RBM19: variants seen among roughly 807,000 people sequenced by gnomAD.
The protein encoded by RBM19 is probable RNA-binding protein 19.
In RBM19, 94 loss-of-function variants were observed where a neutral mutation model predicts 116.8. The ratio of observed to expected loss-of-function variants is 0.80; its 90% CI spans 0.68 to 0.95. The LOEUF (loss-of-function observed/expected upper bound fraction) is 0.95, where lower values mean the gene tolerates loss of function less well. RBM19 is among the 40% of genes least tolerant of loss of function. The pLI is 0.00. For missense variants in RBM19, 1,161 were observed against 1,220.7 expected, an observed-to-expected ratio of 0.95 and a Z score of 0.73; for synonymous variants, 475 against 494.1, an observed-to-expected ratio of 0.96 and a Z score of 0.51.
intron 21 of RBM19, among the ~76,000 whole-genome samples, chr12:113,890,278 C>T (rs778658054): frequency 7.2e-5 from 11 of 152,282 alleles, no homozygotes; most frequent in Non-Finnish European, 1.0e-4. Flanking sequence ...CCGTGAGTGG[C>T]CGGGGTGTTT....
In RBM19 at chr12:113,962,198, C is replaced by G. The variant is rs777578663; in HGVS notation, c.219+34G>C. The G allele has an allele frequency of 1.1e-5, 17 of 1,606,988 alleles. No homozygotes were observed. In the South Asian group the frequency reaches 1.9e-4, roughly 18 times the overall value. On this transcript the variant is annotated intron_variant, in intron 2 of 23. Coordinates refer to ENST00000261741, the MANE Select transcript of RBM19 (RefSeq NM_016196.4). ...AAAGATCAAACAACGTCACACTTGA[C>G]AGGAAGGTAAGGGTGAGACTCCTGC...
chr12:113,945,682 T>C, intron 13 of RBM19, 146 bp downstream of exon 13: 1 of 651,580 alleles, frequency 1.5e-6, no homozygotes, highest in Non-Finnish European at 2.6e-6. Flanking sequence ...GAGAGCACCT[T>C]CCATTCCAGA....
chr12:113,854,830 G>C (rs942491778), intron 22 of RBM19, among the ~76,000 whole-genome samples: 7 of 152,230 alleles, frequency 4.6e-5, no homozygotes, highest in Admixed American at 3.9e-4. Context: ...CAGCGAGACT[G>C]GGGAGGGAGA....
At chr12:113,881,977 C>A (rs1459240296) in intron 21 of RBM19, among the ~76,000 whole-genome samples, 1 of 152,258 alleles carries the variant, frequency 6.6e-6, no homozygotes, top group African/African-American at 2.4e-5. Context: ...AATTGTGCTG[C>A]TGGCCACTCG....
intron 21 of RBM19, among the ~76,000 whole-genome samples, chr12:113,880,205 CA>C (rs956698583): frequency 6.6e-6 from 1 of 151,904 alleles, no homozygotes; most frequent in African/African-American, 2.4e-5. Context: ...CAAAACAAAA[CA>C]AAAAAACCAC....
intron 21 of RBM19, among the ~76,000 whole-genome samples, chr12:113,899,798 C>G (rs1881565306): frequency 6.7e-6 from 1 of 148,688 alleles, no homozygotes; most frequent in South Asian, 2.1e-4. Context: ...TCTGGGGCTC[C>G]CTGCTGCCTT....
intron 17 of RBM19, 28 bp downstream of exon 17, chr12:113,927,026 C>CT: frequency 6.2e-7 from 1 of 1,601,240 alleles, no homozygotes; most frequent in Non-Finnish European, 8.5e-7. Flanking sequence ...TCCCACGCCC[C>CT]TCCCTCCTGG....
At chr12:113,829,235 C>G (rs1273894083) in intron 23 of RBM19, among the ~76,000 whole-genome samples, 1 of 152,214 alleles carries the variant, frequency 6.6e-6, no homozygotes, top group African/African-American at 2.4e-5. Flanking sequence ...CCCGCCTTGG[C>G]CTCCTAACGT....
chr12:113,939,276 A>T (rs1870338126), intron 15 of RBM19, among the ~76,000 whole-genome samples: 1 of 152,184 alleles, frequency 6.6e-6, no homozygotes. Flanking sequence ...ACTGCACTGT[A>T]GCCTGGGTGG....
chr12:113,838,619 T>C (rs973325898), intron 23 of RBM19, among the ~76,000 whole-genome samples: 6 of 152,220 alleles, frequency 3.9e-5, no homozygotes, highest in Admixed American at 3.3e-4. Flanking sequence ...CCTCCCAGGA[T>C]TCTGCAGGAC....
chr12:113,855,119 G>C (rs1877789778), intron 22 of RBM19, among the ~76,000 whole-genome samples: 1 of 152,192 alleles, frequency 6.6e-6, no homozygotes, highest in Non-Finnish European at 1.5e-5. Flanking sequence ...GGGTCTCATG[G>C]AGAAGGGTCA....
chr12:113,954,970 G>A (rs571360601), intron 7 of RBM19, among the ~76,000 whole-genome samples, 161 bp downstream of exon 7: 30 of 152,162 alleles, frequency 2.0e-4, no homozygotes, highest in African/African-American at 6.5e-4. Context: ...TGACCCTGAC[G>A]ATGCCGGAGA....
At chr12:113,827,313 G>A (rs747965988) in intron 23 of RBM19, among the ~76,000 whole-genome samples, 1 of 149,616 alleles carries the variant, frequency 6.7e-6, no homozygotes, top group Non-Finnish European at 1.5e-5. Flanking sequence ...GCCATCCCCC[G>A]ACAACCCCCC....
At chr12:113,946,072 C>A in intron 12 of RBM19, 148 bp from the exon 13 acceptor site, 1 of 810,956 alleles carries the variant, frequency 1.2e-6, no homozygotes, top group Non-Finnish European at 2.0e-6. Flanking sequence ...TATACAGGGC[C>A]TGAAGACAAC....
At chr12:113,820,748 C>T (rs145000390), downstream of RBM19, among the ~76,000 whole-genome samples, 921 of 152,280 alleles carry the variant, frequency 6.0e-3, 6 homozygotes, top group Non-Finnish European at 7.1e-3. Flanking sequence ...CCAAACAGTG[C>T]GTGCCTGGGG....
intron 23 of RBM19, among the ~76,000 whole-genome samples, chr12:113,826,707 A>C (rs1874887024): frequency 6.6e-6 from 1 of 152,212 alleles, no homozygotes; most frequent in Non-Finnish European, 1.5e-5. Flanking sequence ...GGTGAGGCTG[A>C]AATGAGTAAA....
intron 21 of RBM19, among the ~76,000 whole-genome samples, chr12:113,885,348 C>T (rs372973502): frequency 3.5e-4 from 53 of 152,274 alleles, no homozygotes; most frequent in African/African-American, 1.1e-3. Context: ...AGGCAACTGG[C>T]TTGTACTTTT....
intron 23 of RBM19, among the ~76,000 whole-genome samples, chr12:113,838,105 C>G (rs184058379): frequency 4.6e-5 from 7 of 152,330 alleles, no homozygotes; most frequent in Admixed American, 4.6e-4. Flanking sequence ...TTCAGGGCTG[C>G]AGGGGGCCAG....
In RBM19 at chr12:113,923,883, C is replaced by T. The variant is rs116209676; in HGVS notation, c.2305+814G>A. Among the ~76,000 whole-genome samples the T allele has an allele frequency of 8.9e-3, 1,363 of 152,322 alleles. 24 individuals carry two copies. Among genetic ancestry groups the T allele is most frequent in the African/African-American group, 0.029 (1,213 of 41,568 alleles). ...TCCCTCAGTCTTATATAACTAACAC[C>T]GTGCCTGCTGCCTGGTGGGGCCTGG... is the stretch of plus-strand genomic sequence containing the variant. On this transcript the variant is annotated intron_variant, in intron 18 of 23. Coordinates refer to ENST00000261741, the MANE Select transcript of RBM19 (RefSeq NM_016196.4).
Sources: gnomAD v4.1 joint callset for allele counts (sites outside exome capture counted in the v4.1 genomes callset) on GRCh38, gnomAD v4.1.1 for gene constraint, MANE v1.5 for transcripts, NCBI Gene and HGNC (gene_info 2026-07-23, HGNC 2026-07-21) for gene names.